WNT5B: variants seen among roughly 807,000 people sequenced by gnomAD.
The protein encoded by WNT5B is protein Wnt-5b.
In WNT5B, 18 loss-of-function variants were observed where a neutral mutation model predicts 36.5. The observed-to-expected ratio is 0.49, with a 90% CI of 0.34 to 0.73. WNT5B has a LOEUF of 0.73. Among genes scored for constraint, WNT5B ranks in the 30% least tolerant of loss-of-function variants. The probability of loss-of-function intolerance (pLI) is 0.01; values close to 1 mark genes in which losing one functional copy is unlikely to be tolerated. For missense variants in WNT5B, 424 were observed against 508.4 expected (o/e 0.83, Z 1.60); for synonymous variants, 213 against 212.3 (o/e 1.00, Z -0.03).
chr12:1,637,668 TG>T (rs2094564622), intron 3 of WNT5B, among the ~76,000 whole-genome samples: 1 of 151,176 alleles, frequency 6.6e-6, no homozygotes, highest in Admixed American at 6.6e-5. Context: ...GAGAATTGTT[TG>T]AACTCGGGCA....
At chr12:1,627,821 A>G (rs2094543335), upstream of WNT5B, among the ~76,000 whole-genome samples, 1 of 152,142 alleles carries the variant, frequency 6.6e-6, no homozygotes, top group Non-Finnish European at 1.5e-5. The surrounding 1 kb of genome is among the most constrained non-coding windows in gnomAD (Gnocchi z 5.0). Flanking sequence ...CAAGAACCCT[A>G]CATCAAGTAT....
rs2094529343 is a variant in WNT5B at position 1,618,087 on chromosome 12, A to G, written c.-58+944A>G. Among the ~76,000 whole-genome samples the G allele has an allele frequency of 6.6e-6, 1 of 152,186 alleles. No homozygotes were observed. Among genetic ancestry groups the G allele is most frequent in the Non-Finnish European group, 1.5e-5 (1 of 68,030 alleles). The stretch of plus-strand genomic sequence containing the variant: ...AGCCCAGGAGTTCGAGGCTGCAGTG[A>G]GCTGTGATCATGCCACCGTACTCCA... On this transcript the variant is annotated intron_variant, in intron 1 of 4. Coordinates refer to the WNT5B transcript ENST00000310594. The surrounding 1 kb of genome is among the most constrained non-coding windows in gnomAD (Gnocchi z 4.1).
At position 1,633,234 on chromosome 12, in the gene WNT5B, A is replaced by G. The variant is rs2094554370; in HGVS notation, c.328+329A>G. Among the ~76,000 whole-genome samples, 1 of 152,042 alleles carries G rather than the reference A, an allele frequency of 6.6e-6. No individual in the cohort carries two copies. Among genetic ancestry groups the G allele is most frequent in the South Asian group, 2.1e-4 (1 of 4,810 alleles). On this transcript the variant is annotated intron_variant, in intron 3 of 4. Transcript: ENST00000397196. The surrounding 1 kb of genome is among the most constrained non-coding windows in gnomAD (Gnocchi z 4.8). Reference sequence around the variant, plus strand: ...CTGAGTTGACTTAGAGTGGATTAGGAGAGCCGCCCACCGCCACTGCCTTTG... The same window carrying G: ...CTGAGTTGACTTAGAGTGGATTAGGGGAGCCGCCCACCGCCACTGCCTTTG...
At position 1,645,175 on chromosome 12, in the gene WNT5B, G is replaced by A. The variant is rs1218715693; in HGVS notation, c.622-619G>A. ...TCTGTGATAGGCTTGTGATACAATTGGATTCTTTTTTCTGACTTGTGCTCC... is the reference window on the plus strand; with the variant it reads ...TCTGTGATAGGCTTGTGATACAATTAGATTCTTTTTTCTGACTTGTGCTCC... On this transcript the variant is annotated intron_variant, in intron 4 of 4. Transcript: ENST00000397196. The A allele has an allele frequency of 3.3e-5, 5 of 152,334 alleles. No individual in the cohort carries two copies. The East Asian group carries it at 9.6e-4, about 29-fold the overall frequency. The allele number at this position is 152,334 out of a possible 1,614,324, so 9.4% of individuals were successfully genotyped here. A position where few individuals can be genotyped will look rare whatever the true frequency, so the allele number is the denominator to read the frequency against.
chr12:1,639,636 C>A, intron 3 of WNT5B, 48 bp from the exon 4 acceptor site: 1 of 1,447,388 alleles, frequency 6.9e-7, no homozygotes, highest in African/African-American at 1.5e-5. Context: ...GGACAGGTCC[C>A]CGGGAGAGGA....
At chr12:1,642,094 T>C (rs1470241179) in intron 4 of WNT5B, among the ~76,000 whole-genome samples, 2 of 152,196 alleles carry the variant, frequency 1.3e-5, no homozygotes, top group African/African-American at 2.4e-5. Flanking sequence ...TTAGGAGTTC[T>C]GGCAATTGCT....
At chr12:1,640,606 A>C (rs1414701282) in intron 4 of WNT5B, among the ~76,000 whole-genome samples, 1 of 152,212 alleles carries the variant, frequency 6.6e-6, no homozygotes, top group Non-Finnish European at 1.5e-5. Context: ...GTTTCAGCAG[A>C]AGCAACCATG....
At chr12:1,639,291 C>T (rs1165715872) in intron 3 of WNT5B, among the ~76,000 whole-genome samples, 1 of 151,530 alleles carries the variant, frequency 6.6e-6, no homozygotes, top group Non-Finnish European at 1.5e-5. Flanking sequence ...GCGCCCGCCA[C>T]CACGCCCGGC....
At position 1,633,027 on chromosome 12, in the gene WNT5B, G is replaced by A. The variant is rs189556106; in HGVS notation, c.328+122G>A. The stretch of plus-strand genomic sequence containing the variant: ...AGGCAGCCTAAGTGGGCTCTCTCTA[G>A]GCTTGGCAGCAGTGTGCACCACGAG... On this transcript the variant is annotated intron_variant, in intron 3 of 4. Transcript: ENST00000397196. The surrounding 1 kb of genome is among the most constrained non-coding windows in gnomAD (Gnocchi z 4.8). 7,280 of 1,421,418 alleles carry A rather than the reference G, an allele frequency of 5.1e-3. 53 individuals carry two copies. The highest frequency in any genetic ancestry group is 0.018 in the South Asian group (1,277 of 71,850). 88.1% of individuals were successfully genotyped at this position (1,421,418 alleles called of 1,614,324 possible). A position where few individuals can be genotyped will look rare whatever the true frequency, so the allele number is the denominator to read the frequency against.
intron 1 of WNT5B, among the ~76,000 whole-genome samples, chr12:1,620,161 T>C (rs557914501): frequency 8.5e-5 from 13 of 152,232 alleles, no homozygotes; most frequent in South Asian, 8.3e-4. Flanking sequence ...GGTTGGAAAA[T>C]AGAACATTGC....
intron 1 of WNT5B, chr12:1,629,802 A>AT (rs1197482789): frequency 1.8e-5 from 1 of 55,160 alleles, no homozygotes; most frequent in Admixed American, 2.2e-4. Context: ...AGGAGGATTT[A>AT]TGGGGGGAGA....
At chr12:1,625,710 C>A (rs2094540004), upstream of WNT5B, among the ~76,000 whole-genome samples, 2 of 152,308 alleles carry the variant, frequency 1.3e-5, no homozygotes, top group East Asian at 3.9e-4. Context: ...GTCACACAGG[C>A]TGGAGTGCAG....
chr12:1,643,107 CA>C (rs527821450), intron 4 of WNT5B, among the ~76,000 whole-genome samples: 76 of 149,974 alleles, frequency 5.1e-4, no homozygotes, highest in African/African-American at 1.8e-3. Flanking sequence ...TGTCTTGACA[CA>C]GAGTAAATCT....
rs545378405 is a variant in WNT5B, at chr12:1,622,750, A to C, written c.-58+5607A>C. Among the ~76,000 whole-genome samples, 7 of 152,364 alleles carry C rather than the reference A, an allele frequency of 4.6e-5. No individual in the cohort carries two copies. In the South Asian group the frequency reaches 1.4e-3, roughly 32 times the overall value. Reference sequence around the variant, plus strand: ...TCCTATCCACTGGGGAGAAAATGGTAAATAAGACCGTTTCCAGAGCATATG... The same window carrying C: ...TCCTATCCACTGGGGAGAAAATGGTCAATAAGACCGTTTCCAGAGCATATG... On this transcript the variant is annotated intron_variant, in intron 1 of 4. Transcript: ENST00000310594.
Position 1,647,185 on chromosome 12 carries a change from C to T in WNT5B, c.*933C>T, listed in dbSNP as rs1057421710. On this transcript the variant is annotated 3_prime_UTR_variant, in exon 5 of 5. Coordinates refer to ENST00000397196, the MANE Select transcript of WNT5B (RefSeq NM_032642.3). ...CATCTCTGCCCCAGGTGTACGGTTT[C>T]TCTCTGACATTAAATGCCCTTCATG... is the stretch of plus-strand genomic sequence containing the variant. 6.6e-6 allele frequency: 1 copy of T among 152,290 alleles called. No homozygotes were observed. The highest frequency in any genetic ancestry group is 1.5e-5 in the Non-Finnish European group (1 of 68,104). 9.4% of individuals were successfully genotyped at this position (152,290 alleles called of 1,614,324 possible). A position where few individuals can be genotyped will look rare whatever the true frequency, so the allele number is the denominator to read the frequency against.
chr12:1,645,744 C>T, intron 4 of WNT5B, 50 bp from the exon 5 acceptor site: 2 of 1,524,430 alleles, frequency 1.3e-6, no homozygotes, highest in South Asian at 1.3e-5. Flanking sequence ...ACCCTCTGGG[C>T]CTCTTCCACC....
chr12:1,632,969 A>C lies in WNT5B; in HGVS notation c.328+64A>C. 1 of 1,546,056 alleles carries C rather than the reference A, an allele frequency of 6.5e-7. No homozygotes were observed. Among genetic ancestry groups the C allele is most frequent in the South Asian group, 1.2e-5 (1 of 81,202 alleles). The stretch of plus-strand genomic sequence containing the variant: ...CACTCGTCTCGTTTGGGAGCAATTA[A>C]GCTCTCTCAGGACTGGCACAGGGAG... On this transcript the variant is annotated intron_variant, in intron 3 of 4. Transcript: ENST00000397196. This position sits in a 1 kb window ranked among gnomAD's most constrained non-coding sequence, Gnocchi z 5.8.
chr12:1,622,342 C>A (rs1032354977), intron 1 of WNT5B, among the ~76,000 whole-genome samples: 3 of 152,100 alleles, frequency 2.0e-5, no homozygotes, highest in Non-Finnish European at 4.4e-5. Context: ...TTTCTGTTTT[C>A]CCCAGCTAGA....
chr12:1,627,598 A>C (rs1265449553), upstream of WNT5B, among the ~76,000 whole-genome samples: 1 of 152,192 alleles, frequency 6.6e-6, no homozygotes, highest in Non-Finnish European at 1.5e-5. The surrounding 1 kb of genome is among the most constrained non-coding windows in gnomAD (Gnocchi z 5.0). Context: ...TGAGTGACTG[A>C]GTCCTAGCAG....
Sources: gnomAD v4.1 joint callset for allele counts (sites outside exome capture counted in the v4.1 genomes callset) on GRCh38, gnomAD v4.1.1 for gene constraint, Gnocchi (gnomAD v3.1) non-coding constraint, MANE v1.5 for transcripts, NCBI Gene and HGNC (gene_info 2026-07-23, HGNC 2026-07-21) for gene names.